RCSD1: variants seen among roughly 807,000 people sequenced by gnomAD.
The protein encoded by RCSD1 is capZ-interacting protein.
In RCSD1, 26 loss-of-function variants were observed where a neutral mutation model predicts 42.5. The ratio of observed to expected loss-of-function variants is 0.61; its 90% CI spans 0.45 to 0.85. RCSD1 has a LOEUF of 0.85. Ranked by LOEUF, RCSD1 falls within the 40% of genes least tolerant of loss-of-function variation. The pLI is 0.00. For synonymous variants in RCSD1, 220 were observed against 212.2 expected (o/e 1.04, Z -0.32); for missense variants, 571 against 528.3 (o/e 1.08, Z -0.79).
At chr1:167,650,553 AC>A (rs1457791258) in intron 1 of RCSD1, among the ~76,000 whole-genome samples, 1 of 152,166 alleles carries the variant, frequency 6.6e-6, no homozygotes, top group Non-Finnish European at 1.5e-5. Context: ...CCAGAGGCCT[AC>A]CAGGAGGCCT....
At chr1:167,691,909 C>T (rs774968768) in intron 4 of RCSD1, among the ~76,000 whole-genome samples, 10 of 152,188 alleles carry the variant, frequency 6.6e-5, no homozygotes, top group Admixed American at 4.6e-4. Flanking sequence ...GATCCCAGAA[C>T]TCCAGCACCC....
chr1:167,652,549 A>C (rs185418143), intron 1 of RCSD1, among the ~76,000 whole-genome samples: 1 of 152,226 alleles, frequency 6.6e-6, no homozygotes, highest in Non-Finnish European at 1.5e-5. Flanking sequence ...GCCCCAGCAG[A>C]GGACACACAT....
intron 1 of RCSD1, among the ~76,000 whole-genome samples, chr1:167,654,549 G>A (rs1194950871): frequency 6.6e-6 from 1 of 152,202 alleles, no homozygotes; most frequent in Non-Finnish European, 1.5e-5. Context: ...AGTCAACATA[G>A]TGCTGTGTTA....
intron 1 of RCSD1, among the ~76,000 whole-genome samples, chr1:167,655,823 A>T (rs1254428607): frequency 6.6e-6 from 1 of 152,206 alleles, no homozygotes; most frequent in Non-Finnish European, 1.5e-5. Context: ...GCCCTGTAGA[A>T]CCCGTGAGGA....
At chr1:167,675,749 G>A (rs758535157) in intron 1 of RCSD1, among the ~76,000 whole-genome samples, 5 of 152,172 alleles carry the variant, frequency 3.3e-5, no homozygotes, top group African/African-American at 1.2e-4. Flanking sequence ...TGAGCTCAGG[G>A]TTGGGGTGAG....
chr1:167,646,124 A>G (rs1347199215), intron 1 of RCSD1, among the ~76,000 whole-genome samples: 1 of 152,210 alleles, frequency 6.6e-6, no homozygotes, highest in African/African-American at 2.4e-5. Context: ...AGTGATCAGA[A>G]TGACTGTGTT....
chr1:167,708,015 T>C lies in RCSD1; in HGVS notation c.*3319T>C, dbSNP rs1173481839. 6.6e-6 allele frequency among the ~76,000 whole-genome samples: 1 copy of C among 152,172 alleles called. No homozygotes were observed. The highest frequency in any genetic ancestry group is 2.4e-5 in the African/African-American group (1 of 41,444). ...GCCAGTCATTTTCTTAAGTAGGTTC[T>C]TCCCAGCCTGCAAACCCAGTGAAAG... On this transcript the variant is annotated 3_prime_UTR_variant, in exon 7 of 7. Coordinates refer to ENST00000367854, the MANE Select transcript of RCSD1 (RefSeq NM_052862.4).
intron 1 of RCSD1, among the ~76,000 whole-genome samples, chr1:167,671,392 A>T (rs747548339): frequency 4.6e-5 from 7 of 152,170 alleles, no homozygotes; most frequent in Non-Finnish European, 7.4e-5. Context: ...CCTTTCAGCC[A>T]TCCCATTGCC....
chr1:167,698,731 T>G (rs1036781280), intron 6 of RCSD1, among the ~76,000 whole-genome samples: 3 of 152,244 alleles, frequency 2.0e-5, no homozygotes, highest in Admixed American at 2.0e-4. Context: ...TGCGTTCATT[T>G]ACTCACACCA....
intron 1 of RCSD1, among the ~76,000 whole-genome samples, chr1:167,683,301 G>C (rs961975252): frequency 6.6e-6 from 1 of 152,176 alleles, no homozygotes; most frequent in South Asian, 2.1e-4. Flanking sequence ...TCCTTGTCAA[G>C]GCACAGAAAG....
intron 1 of RCSD1, among the ~76,000 whole-genome samples, chr1:167,660,597 T>C (rs1309927961): frequency 6.6e-6 from 1 of 152,080 alleles, no homozygotes; most frequent in African/African-American, 2.4e-5. Context: ...GAATACCTCT[T>C]GAATATGTAG....
intron 1 of RCSD1, among the ~76,000 whole-genome samples, chr1:167,666,543 GCCACTCCCCACA>G (rs2102218202): frequency 6.6e-6 from 1 of 152,270 alleles, no homozygotes; most frequent in East Asian, 1.9e-4. Flanking sequence ...GAGGGGACTT[GCCACTCCCCACA>G]CACAGGTCTG....
intron 1 of RCSD1, among the ~76,000 whole-genome samples, chr1:167,635,615 A>T (rs1271328145): frequency 6.6e-6 from 1 of 152,210 alleles, no homozygotes; most frequent in Non-Finnish European, 1.5e-5. Flanking sequence ...CAGGGCCGCA[A>T]GAGAAAGCAT....
At chr1:167,691,142 C>T (rs911195955) in intron 4 of RCSD1, among the ~76,000 whole-genome samples, 13 of 152,148 alleles carry the variant, frequency 8.5e-5, no homozygotes, top group Non-Finnish European at 1.5e-4. Context: ...GTCTCGTGCA[C>T]GGCAAGATGT....
At chr1:167,699,851 C>T (rs998238750) in intron 6 of RCSD1, among the ~76,000 whole-genome samples, 4 of 152,134 alleles carry the variant, frequency 2.6e-5, no homozygotes, top group South Asian at 2.1e-4. Flanking sequence ...CTTACAGGGC[C>T]GCTTCTTACC....
chr1:167,643,008 TC>T (rs1658044999), intron 1 of RCSD1, among the ~76,000 whole-genome samples: 2 of 152,192 alleles, frequency 1.3e-5, no homozygotes, highest in African/African-American at 4.8e-5. Context: ...AGACCATCAA[TC>T]CTGGGTTTTA....
intron 1 of RCSD1, among the ~76,000 whole-genome samples, chr1:167,677,963 C>G (rs1347207394): frequency 6.6e-6 from 1 of 152,194 alleles, no homozygotes; most frequent in Non-Finnish European, 1.5e-5. Flanking sequence ...ATGCGTTTCA[C>G]AGCTTGACTT....
rs768025860 is a variant in RCSD1 at position 167,683,925 on chromosome 1, A to G, written c.32A>G (p.Asn11Ser). The G allele has an allele frequency of 1.9e-6, 3 of 1,614,092 alleles. No homozygotes were observed. In the African/African-American group the frequency reaches 4.0e-5, roughly 22 times the overall value. Residue 11 changes from asparagine to serine, a missense_variant, in exon 2 of 7, where the codon AAT becomes AGT. Coordinates refer to ENST00000367854, the MANE Select transcript of RCSD1 (RefSeq NM_052862.4). ...GAAAGACCGGCAGAGACCAATGCCA[A>G]TGTGGACAACTCGGCGTCCCCCTCG... Reference protein sequence around the residue: MEERPAETNANVDNSASPSVA... With the variant: MEERPAETNASVDNSASPSVA...
chr1:167,695,303 C>T (rs1169272740), intron 5 of RCSD1, among the ~76,000 whole-genome samples: 1 of 152,224 alleles, frequency 6.6e-6, no homozygotes, highest in Non-Finnish European at 1.5e-5. Flanking sequence ...TGCCTGGAGG[C>T]TTCAGCCTTC....
Sources: gnomAD v4.1 joint callset for allele counts (sites outside exome capture counted in the v4.1 genomes callset) on GRCh38, gnomAD v4.1.1 for gene constraint, MANE v1.5 for transcripts, NCBI Gene and HGNC (gene_info 2026-07-23, HGNC 2026-07-21) for gene names.